GAK: variants seen among roughly 807,000 people sequenced by gnomAD.
The protein encoded by GAK is cyclin-G-associated kinase.
GAK carries 79 observed loss-of-function variants against 143.9 expected under a neutral mutation model. The observed-to-expected ratio is 0.55, with a 90% CI of 0.46 to 0.66. The LOEUF is 0.66. Among genes scored for constraint, GAK ranks in the 30% least tolerant of loss-of-function variants. GAK has a pLI of 0.00. For synonymous variants in GAK, 881 were observed against 765.5 expected (o/e 1.15, Z -2.49); for missense variants, 1,693 against 1,779.7 (o/e 0.95, Z 0.88).
chr4:867,735 G>A (rs900881117), intron 20 of GAK, among the ~76,000 whole-genome samples: 16 of 152,156 alleles, frequency 1.1e-4, no homozygotes, highest in Admixed American at 3.9e-4. Context: ...GGGCCTTGGC[G>A]AACCCACATG....
At chr4:895,632 C>T (rs1176109453) in intron 7 of GAK, among the ~76,000 whole-genome samples, 3 of 152,242 alleles carry the variant, frequency 2.0e-5, no homozygotes, top group Admixed American at 6.5e-5. Context: ...GGGCCAACTG[C>T]CGCACCTGGT....
At chr4:850,162 T>A in intron 26 of GAK, 94 bp from the exon 27 acceptor site, 1 of 1,283,274 alleles carries the variant, frequency 7.8e-7, no homozygotes, top group Non-Finnish European at 1.1e-6. Context: ...AGGAAGTGCC[T>A]GGTCACGTGG....
chr4:876,285 G>C (rs538198135), intron 18 of GAK, among the ~76,000 whole-genome samples: 1 of 152,248 alleles, frequency 6.6e-6, no homozygotes, highest in Non-Finnish European at 1.5e-5. Context: ...CGCCACGCCC[G>C]GGTGTGAGGG....
chr4:872,247 G>C (rs966352396), intron 18 of GAK: 1 of 152,242 alleles, frequency 6.6e-6, no homozygotes, highest in Non-Finnish European at 1.5e-5. Context: ...CCCTGTGCCC[G>C]CCCTGAGGGG....
intron 24 of GAK, among the ~76,000 whole-genome samples, chr4:858,038 G>A (rs1466517203): frequency 6.6e-6 from 1 of 152,178 alleles, no homozygotes; most frequent in Non-Finnish European, 1.5e-5. Flanking sequence ...TCCCAAGTGT[G>A]AAGATTCTTC....
At chr4:911,923 C>T (rs1002150397) in intron 3 of GAK, 136 bp from the exon 4 acceptor site, 13 of 665,482 alleles carry the variant, frequency 2.0e-5, no homozygotes, top group East Asian at 6.4e-5. Flanking sequence ...GACGTCAGAG[C>T]GGAAGATGAG....
At chr4:900,598 G>C (rs1371947235) in intron 5 of GAK, among the ~76,000 whole-genome samples, 6 of 152,268 alleles carry the variant, frequency 3.9e-5, no homozygotes, top group Admixed American at 3.9e-4. Flanking sequence ...AGACTCCTCA[G>C]GAAGAACCAC....
chr4:856,320 A>C lies in GAK; in HGVS notation c.3283+3286T>G, dbSNP rs551083926. On this transcript the variant is annotated intron_variant, in intron 24 of 27. Transcript: ENST00000314167. ...ACCCCTGCTCACCACAGCTGCTCAC[A>C]CCTGCTCACCACAGCTGCTCACACC... is the stretch of plus-strand genomic sequence containing the variant. Among the ~76,000 whole-genome samples the C allele has an allele frequency of 2.2e-3, 283 of 127,874 alleles. 10 individuals carry two copies. The South Asian group carries it at 0.064, about 29-fold the overall frequency. The allele number at this position is 127,874 out of a possible 152,430, so 83.9% of individuals were successfully genotyped here.
chr4:859,784 G>T, intron 23 of GAK, 62 bp from the exon 24 acceptor site: 1 of 1,198,762 alleles, frequency 8.3e-7, no homozygotes, highest in Non-Finnish European at 1.2e-6. Flanking sequence ...ATCCTCCTGG[G>T]ACCTCCGATG....
In GAK at chr4:865,881, T is replaced by C. The variant is rs551627596; in HGVS notation, c.3043+483A>G. Among the ~76,000 whole-genome samples, 6 of 152,380 alleles carry C rather than the reference T, an allele frequency of 3.9e-5. No homozygotes were observed. In the East Asian group the frequency reaches 1.2e-3, roughly 29 times the overall value. ...CCCAGGGCCTGGCCCCACCGGCGTC[T>C]GTCTAAACAAGCCATGCTGTGCCCC... is the stretch of plus-strand genomic sequence containing the variant. On this transcript the variant is annotated intron_variant, in intron 22 of 27. Coordinates refer to ENST00000314167, the MANE Select transcript of GAK (RefSeq NM_005255.4).
At chr4:901,823 G>A (rs577227114) in intron 5 of GAK, among the ~76,000 whole-genome samples, 36 of 152,336 alleles carry the variant, frequency 2.4e-4, no homozygotes, top group African/African-American at 7.5e-4. Context: ...CGCCGCTCCC[G>A]ATTAGCGAGG....
chr4:930,212 C>T (rs1200927617), intron 1 of GAK, among the ~76,000 whole-genome samples: 1 of 152,190 alleles, frequency 6.6e-6, no homozygotes, highest in Non-Finnish European at 1.5e-5. Context: ...TCAGCTTTCA[C>T]ACTCTGTTTC....
At chr4:904,460 C>T (rs1225221886) in intron 5 of GAK, among the ~76,000 whole-genome samples, 177 bp downstream of exon 5, 7 of 141,616 alleles carry the variant, frequency 4.9e-5, no homozygotes, top group Admixed American at 2.2e-4. Flanking sequence ...ACAGAGGCCT[C>T]AGCAGCCGCT....
chr4:900,544 C>T (rs1719674088), intron 5 of GAK, among the ~76,000 whole-genome samples: 2 of 152,156 alleles, frequency 1.3e-5, no homozygotes, highest in Non-Finnish European at 2.9e-5. Flanking sequence ...TTCAAAAATG[C>T]GAACCAGGAG....
intron 26 of GAK, 196 bp downstream of exon 26, chr4:850,740 C>A: frequency 2.1e-6 from 1 of 486,032 alleles, no homozygotes; most frequent in Non-Finnish European, 3.4e-6. Context: ...TCAGGCCACC[C>A]TGTCCTTGAG....
chr4:914,249 C>CCCA (rs1553895242), intron 1 of GAK, among the ~76,000 whole-genome samples: 1 of 68,042 alleles, frequency 1.5e-5, no homozygotes, highest in African/African-American at 6.1e-5. Context: ...CGGCCCCCCC[C>CCCA]CACACACACA....
intron 1 of GAK, 112 bp from the exon 2 acceptor site, chr4:913,780 G>C: frequency 1.1e-6 from 1 of 908,254 alleles, no homozygotes; most frequent in Non-Finnish European, 1.8e-6. Flanking sequence ...GTGGCCAGCA[G>C]TTTTCTACAA....
intron 1 of GAK, among the ~76,000 whole-genome samples, chr4:922,341 C>A (rs200925978): frequency 1.3e-5 from 2 of 151,872 alleles, no homozygotes; most frequent in East Asian, 3.9e-4. Context: ...ATGGTGAAAC[C>A]CCGTCTCTAC....
intron 1 of GAK, among the ~76,000 whole-genome samples, chr4:920,541 T>A (rs1177249192): frequency 0.013 from 321 of 25,312 alleles, 16 homozygotes; most frequent in South Asian, 0.022. Context: ...TTAGAGCCAT[T>A]TTTTTTTTTT....
Sources: gnomAD v4.1 joint callset for allele counts (sites outside exome capture counted in the v4.1 genomes callset) on GRCh38, gnomAD v4.1.1 for gene constraint, MANE v1.5 for transcripts, NCBI Gene and HGNC (gene_info 2026-07-23, HGNC 2026-07-21) for gene names.